AZI2: variants seen among roughly 807,000 people sequenced by gnomAD.
The protein encoded by AZI2 is 5-azacytidine-induced protein 2.
A neutral mutation model predicts 45.8 loss-of-function variants in AZI2; 22 were observed. That is an observed-to-expected ratio of 0.48 (90% CI 0.34 to 0.69). The LOEUF is 0.69. Ranked by LOEUF, AZI2 falls within the 30% of genes least tolerant of loss-of-function variation. AZI2 has a pLI of 0.01. For missense variants in AZI2, 417 were observed against 441.5 expected, an observed-to-expected ratio of 0.94 and a Z score of 0.50; for synonymous variants, 137 against 156.7, an observed-to-expected ratio of 0.87 and a Z score of 0.94.
chr3:28,340,258 G>A, intron 2 of AZI2, 144 bp downstream of exon 2: 1 of 610,862 alleles, frequency 1.6e-6, no homozygotes, highest in South Asian at 2.1e-5. Context: ...TAAGTATAAT[G>A]CCCAGAGTTT....
chr3:28,326,133 A>G (rs913371608), intron 7 of AZI2, among the ~76,000 whole-genome samples: 1 of 151,160 alleles, frequency 6.6e-6, no homozygotes, highest in Non-Finnish European at 1.5e-5. Flanking sequence ...ACAACTTTTC[A>G]GAAATATACC....
At chr3:28,339,617 C>G (rs1352266411) in intron 2 of AZI2, among the ~76,000 whole-genome samples, 1 of 152,218 alleles carries the variant, frequency 6.6e-6, no homozygotes, top group East Asian at 1.9e-4. Context: ...CAAGCCCCAT[C>G]TTCAAGTTTT....
intron 6 of AZI2, chr3:28,331,768 G>C (rs1350799164): frequency 2.9e-5 from 43 of 1,482,584 alleles, no homozygotes; most frequent in Non-Finnish European, 3.7e-5. Flanking sequence ...ACAATTATTA[G>C]ATAGCTTAAA....
In AZI2 at chr3:28,342,437, G is replaced by C. The variant is rs138716731; in HGVS notation, c.-5-1815C>G. On this transcript the variant is annotated intron_variant, in intron 1 of 7. Coordinates refer to ENST00000479665, the MANE Select transcript of AZI2 (RefSeq NM_022461.5). ...ATGCTATCTACAGTATACCAAAAAAGTGGCGGATTCTCAGAACCATAATTA... is the reference window on the plus strand; with the variant it reads ...ATGCTATCTACAGTATACCAAAAAACTGGCGGATTCTCAGAACCATAATTA... 5.1e-3 allele frequency among the ~76,000 whole-genome samples: 773 copies of C among 152,062 alleles called. 6 individuals are homozygous for C. Among genetic ancestry groups the C allele is most frequent in the African/African-American group, 0.017 (717 of 41,504 alleles).
chr3:28,339,409 A>C (rs1432501758), intron 2 of AZI2, among the ~76,000 whole-genome samples: 1 of 152,200 alleles, frequency 6.6e-6, no homozygotes, highest in Non-Finnish European at 1.5e-5. Context: ...TATACATAAA[A>C]TCCCATTTTT....
rs1266233574 is a variant in AZI2 at position 28,322,577 on chromosome 3, G to A, written c.*1465C>T. Reference sequence around the variant, plus strand: ...TTTTTGCTGCTTTGTTATTACACAGGTAGTTGCTTCCTTCAGCTAAAGCCT... The same window carrying A: ...TTTTTGCTGCTTTGTTATTACACAGATAGTTGCTTCCTTCAGCTAAAGCCT... On this transcript the variant is annotated 3_prime_UTR_variant, in exon 8 of 8. Coordinates refer to ENST00000479665, the MANE Select transcript of AZI2 (RefSeq NM_022461.5). 6.6e-6 allele frequency: 1 copy of A among 151,498 alleles called. No homozygotes were observed. Among genetic ancestry groups the A allele is most frequent in the Non-Finnish European group, 1.5e-5 (1 of 67,368 alleles). 9.4% of individuals were successfully genotyped at this position (151,498 alleles called of 1,614,324 possible). A position where few individuals can be genotyped will look rare whatever the true frequency, so the allele number is the denominator to read the frequency against.
At chr3:28,328,998 C>T (rs1470995480) in intron 6 of AZI2, among the ~76,000 whole-genome samples, 2 of 151,060 alleles carry the variant, frequency 1.3e-5, no homozygotes, top group Non-Finnish European at 3.0e-5. Flanking sequence ...CTATCCTCAC[C>T]GCAGTTCCCC....
intron 6 of AZI2, among the ~76,000 whole-genome samples, chr3:28,328,362 T>TTA (rs548860876): frequency 2.3e-4 from 35 of 151,264 alleles, no homozygotes; most frequent in African/African-American, 7.7e-4. Context: ...GTTACTCACA[T>TTA]TATATAGCAG....
At chr3:28,341,791 G>C (rs560578514) in intron 1 of AZI2, 3 of 152,192 alleles carry the variant, frequency 2.0e-5, no homozygotes, top group African/African-American at 4.8e-5. Context: ...TCTTAGATCA[G>C]TAATTATTAC....
At chr3:28,332,239 T>G (rs1703607324) in intron 6 of AZI2, 130 bp downstream of exon 6, 1 of 732,228 alleles carries the variant, frequency 1.4e-6, no homozygotes, top group Admixed American at 2.7e-5. Context: ...TGATCAGAGG[T>G]TACATCAGTA....
At chr3:28,336,714 T>C in intron 5 of AZI2, 23 bp downstream of exon 5, 1 of 1,603,446 alleles carries the variant, frequency 6.2e-7, no homozygotes, top group Non-Finnish European at 8.5e-7. Context: ...ACTGAAATTC[T>C]CAATTTAATA....
Position 28,323,471 on chromosome 3 carries a change from T to C in AZI2, c.*571A>G, listed in dbSNP as rs1430665822. 1 of 151,202 alleles carries C rather than the reference T, an allele frequency of 6.6e-6. No homozygotes were observed. The highest frequency in any genetic ancestry group is 1.5e-5 in the Non-Finnish European group (1 of 67,192). The allele number at this position is 151,202 out of a possible 1,614,324, so 9.4% of individuals were successfully genotyped here. On this transcript the variant is annotated 3_prime_UTR_variant, in exon 8 of 8. Coordinates refer to ENST00000479665, the MANE Select transcript of AZI2 (RefSeq NM_022461.5). ...AAACTTCAATTCTAAAAAAATTTTA[T>C]CAACAAAACACTGTGACCAAAAAAT... is the stretch of plus-strand genomic sequence containing the variant.
At chr3:28,348,041 G>C (rs1005321283) in intron 1 of AZI2, 24 of 152,226 alleles carry the variant, frequency 1.6e-4, no homozygotes, top group Non-Finnish European at 2.2e-4. Context: ...TCGAGTATTG[G>C]GGTTTCTTTT....
intron 6 of AZI2, among the ~76,000 whole-genome samples, chr3:28,330,992 A>G (rs1703547695): frequency 6.6e-6 from 1 of 151,468 alleles, no homozygotes; most frequent in East Asian, 1.9e-4. Flanking sequence ...TTGGGACTCA[A>G]CTTTCCCCAA....
chr3:28,339,164 G>T (rs185866636), intron 2 of AZI2, among the ~76,000 whole-genome samples: 57 of 152,174 alleles, frequency 3.7e-4, no homozygotes, highest in Admixed American at 2.6e-3. Context: ...TTTTAGTAGA[G>T]ACAGGGTTTC....
intron 6 of AZI2, among the ~76,000 whole-genome samples, chr3:28,328,509 A>T (rs747518895): frequency 2.0e-5 from 3 of 151,146 alleles, no homozygotes; most frequent in Non-Finnish European, 4.5e-5. Flanking sequence ...AATACTGAAG[A>T]CAGTTCTGAG....
At chr3:28,332,559 T>C (rs1703624520) in intron 5 of AZI2, 132 bp from the exon 6 acceptor site, 3 of 624,152 alleles carry the variant, frequency 4.8e-6, no homozygotes, top group Middle Eastern at 9.0e-4. Context: ...TACAATTAGA[T>C]TTTATACTCA....
In AZI2 at chr3:28,327,648, A is replaced by G. The variant is rs1425350821; in HGVS notation, c.648-698T>C. ...TTATAATTAAAAGTATTTTACCTCA[A>G]TTATCTAAGAAATTATAATTAGTGA... On this transcript the variant is annotated intron_variant, in intron 6 of 7. Transcript: ENST00000479665. 4.0e-5 allele frequency among the ~76,000 whole-genome samples: 6 copies of G among 151,154 alleles called. No homozygotes were observed. In the South Asian group the frequency reaches 1.0e-3, roughly 26 times the overall value.
In AZI2 at chr3:28,340,399, T is replaced by C. The variant is rs753238781; in HGVS notation, c.216+3A>G. The C allele has an allele frequency of 1.9e-6, 3 of 1,543,110 alleles. No individual in the cohort carries two copies. Among genetic ancestry groups the C allele is most frequent in the Non-Finnish European group, 2.7e-6 (3 of 1,123,156 alleles). On this transcript the variant is annotated splice_donor_region_variant and intron_variant, in intron 2 of 7. Transcript: ENST00000479665. ...CGCAATGAAGGTAAAAGATAAAAAT[T>C]ACCTTTTCTTCCAAAAATCTTATTC...
Sources: allele counts gnomAD v4.1 joint callset (sites outside exome capture counted in the v4.1 genomes callset), GRCh38; gene constraint gnomAD v4.1.1; transcripts MANE v1.5; gene names NCBI Gene and HGNC (gene_info 2026-07-23, HGNC 2026-07-21).